Variants in SYNPO2L observed in about 807,000 individuals in gnomAD.
The protein encoded by SYNPO2L is synaptopodin 2 like.
SYNPO2L carries 34 observed loss-of-function variants against 47.5 expected under a neutral mutation model. The ratio of observed to expected loss-of-function variants is 0.72; its 90% confidence interval spans 0.54 to 0.95. The LOEUF is 0.95. Ranked by LOEUF, SYNPO2L falls within the 40% of genes least tolerant of loss-of-function variation. The pLI, the probability that SYNPO2L is intolerant of heterozygous loss-of-function variation, is 0.00. For synonymous variants in SYNPO2L, 536 were observed against 524.9 expected (o/e 1.02, Z -0.29); for missense variants, 1,246 against 1,282.0 (o/e 0.97, Z 0.43).
In SYNPO2L at chr10:73,656,003, T is replaced by C; in HGVS notation, c.-81A>G. On this transcript the variant is annotated 5_prime_UTR_variant, in exon 1 of 4. Coordinates refer to ENST00000394810, the MANE Select transcript of SYNPO2L (RefSeq NM_001114133.3). ...TGAGGTGCTCGAACCCCGTCTGGGC[T>C]TCCTGTCCGGCTGTCCTGCTCCTGC... 8.0e-7 allele frequency: 1 copy of C among 1,248,570 alleles called. No individual in the cohort carries two copies. Among genetic ancestry groups the C allele is most frequent in the Non-Finnish European group, 1.1e-6 (1 of 904,408 alleles). The allele number at this position is 1,248,570 out of a possible 1,614,324, so 77.3% of individuals were successfully genotyped here.
In SYNPO2L at chr10:73,653,984, G is replaced by C; in HGVS notation, c.257+145C>G. On this transcript the variant is annotated intron_variant, in intron 2 of 3. Coordinates refer to ENST00000394810, the MANE Select transcript of SYNPO2L (RefSeq NM_001114133.3). ...ATACATTCAAGCCCTCTGGGAGGCA[G>C]ACACAAACCATCTGCACTCCAGCAG... 5 of 1,119,578 alleles carry C rather than the reference G, an allele frequency of 4.5e-6. 1 individual carries two copies. The South Asian group carries it at 8.2e-5, about 18-fold the overall frequency. The allele number at this position is 1,119,578 out of a possible 1,614,324, so 69.4% of individuals were successfully genotyped here. A position where few individuals can be genotyped will look rare whatever the true frequency, so the allele number is the denominator to read the frequency against.
At chr10:73,649,045 A>G (rs2081814646) in intron 3 of SYNPO2L, among the ~76,000 whole-genome samples, 166 bp from the exon 4 acceptor site, 1 of 152,210 alleles carries the variant, frequency 6.6e-6, no homozygotes, top group African/African-American at 2.4e-5. Context: ...GTGGAGGGTG[A>G]AAGGTGAAAC....
chr10:73,652,751 C>T (rs894121950), intron 3 of SYNPO2L, among the ~76,000 whole-genome samples: 1 of 152,176 alleles, frequency 6.6e-6, no homozygotes, highest in African/African-American at 2.4e-5. Context: ...GCTTGGATTA[C>T]AGGTATGAGC....
At position 73,648,741 on chromosome 10, in the gene SYNPO2L, C is replaced by G. The variant is rs371416475; in HGVS notation, c.911G>C (p.Arg304Thr). 4 of 1,612,512 alleles carry G rather than the reference C, an allele frequency of 2.5e-6. No individual in the cohort carries two copies. Among genetic ancestry groups the G allele is most frequent in the Non-Finnish European group, 2.5e-6 (3 of 1,178,900 alleles). ...GVLMFKKRRQ[R>T]AKKYTLVSFG... ...GCTCACCAGGGTGTACTTCTTGGCTCTCTGCCGCCGTTTCTTAAACATAAG... is the reference window on the plus strand; with the variant it reads ...GCTCACCAGGGTGTACTTCTTGGCTGTCTGCCGCCGTTTCTTAAACATAAG... The change falls in exon 4 of 4, where the codon AGA (arginine) becomes ACA (threonine). Residue 304 changes from arginine to threonine, a missense_variant. Arg to Thr is a moderately conservative substitution (Grantham distance 71, BLOSUM62 -1). Around this residue, in one of 3 missense-constraint regions of SYNPO2L, gnomAD observed 1,037 missense variants for 1,021.5 expected, o/e 1.02. Transcript: ENST00000394810.
chr10:73,648,201 G>A lies in SYNPO2L; in HGVS notation c.1451C>T (p.Ser484Leu). Residue 484 changes from serine to leucine, a missense_variant, in exon 4 of 4, where the codon TCG becomes TTG. Around this residue, in one of 3 missense-constraint regions of SYNPO2L, gnomAD observed 1,037 missense variants for 1,021.5 expected, o/e 1.02. Coordinates refer to ENST00000394810, the MANE Select transcript of SYNPO2L (RefSeq NM_001114133.3). ...GGGGGCTAAAGGCCGGAAAATAACCGAGGTGGTAGTTGGCCGCTGCCCTTG... is the reference window on the plus strand; with the variant it reads ...GGGGGCTAAAGGCCGGAAAATAACCAAGGTGGTAGTTGGCCGCTGCCCTTG... ...GLQGQRPTTTSVIFRPLAPKR... is the reference protein window; with the variant it reads ...GLQGQRPTTTLVIFRPLAPKR... The A allele has an allele frequency of 6.4e-7, 1 of 1,574,274 alleles. No individual in the cohort carries two copies. The highest frequency in any genetic ancestry group is 8.6e-7 in the Non-Finnish European group (1 of 1,162,278).
chr10:73,650,171 A>G (rs1414195204), intron 3 of SYNPO2L: 1 of 985,318 alleles, frequency 1.0e-6, no homozygotes, highest in Non-Finnish European at 1.2e-6. Flanking sequence ...CTCCTGAAAA[A>G]TTATTGAGAT....
At position 73,646,947 on chromosome 10, in the gene SYNPO2L, AGGGGTTCTGCAGTGGGCT is replaced by A; in HGVS notation, c.2687_2704del (p.Gln896_Pro901del). On this transcript the variant is annotated inframe_deletion, in exon 4 of 4. Transcript: ENST00000394810. ...TCGGGGGGCAAGCACAGTGGGAGCCAGGGGTTCTGCAGTGGGCTGGGGTGCCGGAGTGGAAAACCGGCG... is the reference window on the plus strand; with the variant it reads ...TCGGGGGGCAAGCACAGTGGGAGCCAGGGGTGCCGGAGTGGAAAACCGGCG... 1 of 1,603,456 alleles carries A rather than the reference AGGGGTTCTGCAGTGGGCT, an allele frequency of 6.2e-7. No individual in the cohort carries two copies. Among genetic ancestry groups the A allele is most frequent in the South Asian group, 1.1e-5 (1 of 89,512 alleles).
chr10:73,648,065 C>T lies in SYNPO2L; in HGVS notation c.1587G>A (p.Ala529=), dbSNP rs1362528165. ...PSFTSGVPSH[A]PVSGSPSTPR... ...GGGTGCTGGGGGAACCAGAGACTGG[C>T]GCGTGGCTGGGAACCCCTGAAGTGA... The change falls in exon 4 of 4, where the codon GCG becomes GCA. Residue 529 remains alanine (A), a synonymous_variant. Transcript: ENST00000394810. The T allele has an allele frequency of 6.3e-7, 1 of 1,582,248 alleles. No individual in the cohort carries two copies. Among genetic ancestry groups the T allele is most frequent in the East Asian group, 2.3e-5 (1 of 44,348 alleles).
intron 3 of SYNPO2L, chr10:73,651,021 G>T: frequency 6.2e-7 from 1 of 1,610,942 alleles, no homozygotes; most frequent in Non-Finnish European, 8.5e-7. Flanking sequence ...GAGAAAGGCG[G>T]TGTTGGCTGG....
Position 73,646,753 on chromosome 10 carries a change from C to T in SYNPO2L, c.2899G>A (p.Ala967Thr). 2 of 1,509,802 alleles carry T rather than the reference C, an allele frequency of 1.3e-6. No homozygotes were observed. The highest frequency in any genetic ancestry group is 1.8e-6 in the Non-Finnish European group (2 of 1,129,616). The allele number at this position is 1,509,802 out of a possible 1,614,324, so 93.5% of individuals were successfully genotyped here. A position where few individuals can be genotyped will look rare whatever the true frequency, so the allele number is the denominator to read the frequency against. Residue 967 changes from alanine to threonine, a missense_variant, in exon 4 of 4, where the codon GCT becomes ACT. Physicochemically the swap from Ala to Thr is moderately conservative, Grantham distance 58. Transcript: ENST00000394810. The part of the protein sequence containing the change: ...RFSATRTGLQ[A>T]HVWRPGAGHQ The stretch of plus-strand genomic sequence containing the variant: ...CCTGCCCCAGGCCTCCACACATGAG[C>T]TTGCAATCCTGTTCTGGTGGCTGAA...
Position 73,647,745 on chromosome 10 carries a change from A to T in SYNPO2L, c.1907T>A (p.Met636Lys), listed in dbSNP as rs978401458. 4 of 1,613,928 alleles carry T rather than the reference A, an allele frequency of 2.5e-6. No homozygotes were observed. The change falls in exon 4 of 4, where the codon ATG becomes AAG. Residue 636 changes from methionine to lysine, a missense_variant. Around this residue, in one of 3 missense-constraint regions of SYNPO2L, gnomAD observed 1,037 missense variants for 1,021.5 expected, o/e 1.02. Coordinates refer to ENST00000394810, the MANE Select transcript of SYNPO2L (RefSeq NM_001114133.3). ...EARRRGTRKQ[M>K]FRPGKEETKN... is the part of the protein sequence containing the mutation. ...CGTCTCCTCCTTTCCCGGCCGGAAC[A>T]TCTGCTTCCGGGTCCCCCGGCGCCG...
Position 73,646,790 on chromosome 10 carries a change from G to C in SYNPO2L, c.2862C>G (p.Ala954=). 1 of 1,527,036 alleles carries C rather than the reference G, an allele frequency of 6.5e-7. No homozygotes were observed. Among genetic ancestry groups the C allele is most frequent in the South Asian group, 1.3e-5 (1 of 75,692 alleles). The allele number at this position is 1,527,036 out of a possible 1,614,324, so 94.6% of individuals were successfully genotyped here. Residue 954 remains alanine, a synonymous_variant, in exon 4 of 4, where the codon GCC becomes GCG. Transcript: ENST00000394810. ...TTCTGGTGGCTGAAAATCGGGGCCT[G>C]GCTACCTGGAAACCGCAGGAGCTGG... ...ASPSSCGFQV[A]RPRFSATRTG... is the part of the protein sequence containing the mutation.
rs376312719 is a variant in SYNPO2L, at chr10:73,648,576, A to G, written c.1076T>C (p.Met359Thr). 5.4e-5 allele frequency: 87 copies of G among 1,614,058 alleles called. No homozygotes were observed. Among genetic ancestry groups the G allele is most frequent in the Admixed American group, 1.3e-4 (8 of 60,008 alleles). Residue 359 changes from methionine (M) to threonine (T), a missense_variant, in exon 4 of 4, where the codon ATG becomes ACG. By Grantham distance (81) the Met-to-Thr change is moderately conservative. Around this residue, in one of 3 missense-constraint regions of SYNPO2L, gnomAD observed 1,037 missense variants for 1,021.5 expected, o/e 1.02. Transcript: ENST00000394810. ...TCTTGAGCCCGCCCTGGCAAGCTCC[A>G]TGTCCAGATAGGGACTGTCCCAGTC... ...QSDWDSPYLDMELARAGSRAS... is the reference protein window; with the variant it reads ...QSDWDSPYLDTELARAGSRAS...
chr10:73,648,793 C>T lies in SYNPO2L; in HGVS notation c.859G>A (p.Ala287Thr). 1.9e-6 allele frequency: 3 copies of T among 1,601,590 alleles called. No individual in the cohort carries two copies. Among genetic ancestry groups the T allele is most frequent in the East Asian group, 2.2e-5 (1 of 44,734 alleles). Residue 287 changes from alanine (A) to threonine (T), a missense_variant, in exon 4 of 4, where the codon GCC (alanine) becomes ACC (threonine). This residue lies in a region of SYNPO2L where 1,037 missense variants were observed against 1,021.5 expected (regional missense o/e 1.02). Transcript: ENST00000394810. ...CRTIASLLTAAPNPHSKGVLM... is the reference protein window; with the variant it reads ...CRTIASLLTATPNPHSKGVLM... ...ACCCCTTTGGAGTGGGGGTTGGGGGCTGCAGTGAGCAGGGATGCAATTGTC... is the reference window on the plus strand; with the variant it reads ...ACCCCTTTGGAGTGGGGGTTGGGGGTTGCAGTGAGCAGGGATGCAATTGTC...
rs1217494506 is a variant in SYNPO2L, at chr10:73,647,090, G to C, written c.2562C>G (p.Pro854=). 1 of 1,614,110 alleles carries C rather than the reference G, an allele frequency of 6.2e-7. No homozygotes were observed. ...AGAACATGGCAGTTTTAAGTTGATA[G>C]GGCTGATGCCGCATAAAATCTAGAG... ...IKALDFMRHQ[P]YQLKTAMFCF... Residue 854 remains proline, a synonymous_variant, in exon 4 of 4, where the codon CCC becomes CCG. Transcript: ENST00000394810.
rs2081853832 is a variant in SYNPO2L, at chr10:73,653,156, T to C, written c.755A>G (p.Gln252Arg). The C allele has an allele frequency of 2.8e-6, 4 of 1,447,154 alleles. No homozygotes were observed. The Admixed American group carries it at 1.1e-4, about 41-fold the overall frequency. The allele number at this position is 1,447,154 out of a possible 1,614,324, so 89.6% of individuals were successfully genotyped here. A position where few individuals can be genotyped will look rare whatever the true frequency, so the allele number is the denominator to read the frequency against. Residue 252 changes from glutamine (Q) to arginine (R), a missense_variant, in exon 3 of 4, where the codon CAG (glutamine) becomes CGG (arginine). Physicochemically the swap from Gln to Arg is conservative, Grantham distance 43 (BLOSUM62 1). Around this residue, in one of 3 missense-constraint regions of SYNPO2L, gnomAD observed 1,037 missense variants for 1,021.5 expected, o/e 1.02. Transcript: ENST00000394810. ...VAEDLTTTYT[Q>R]KAKQAKLQRA... ...GCACTCACTGGCTTGCTTGGCCTTCTGGGTGTAGGTGGTAGTAAGATCTTC... is the reference window on the plus strand; with the variant it reads ...GCACTCACTGGCTTGCTTGGCCTTCCGGGTGTAGGTGGTAGTAAGATCTTC...
chr10:73,652,082 AAAAAAAAAC>A (rs1464153921), intron 3 of SYNPO2L, among the ~76,000 whole-genome samples: 442 of 135,864 alleles, frequency 3.3e-3, no homozygotes, highest in African/African-American at 0.013. Context: ...AAAAAAAAAA[AAAAAAAAAC>A]CAGAAAAAAA....
chr10:73,653,371 G>A lies in SYNPO2L; in HGVS notation c.540C>T (p.Ser180=). 1.9e-6 allele frequency: 3 copies of A among 1,551,570 alleles called. No homozygotes were observed. Among genetic ancestry groups the A allele is most frequent in the African/African-American group, 1.4e-5 (1 of 73,184 alleles). The change falls in exon 3 of 4, where the codon AGC becomes AGT. Residue 180 remains serine, a synonymous_variant. Coordinates refer to ENST00000394810, the MANE Select transcript of SYNPO2L (RefSeq NM_001114133.3). ...APPDEVYLSD[S]PAEPAPTIPG... The stretch of plus-strand genomic sequence containing the variant: ...GGATAGTAGGTGCTGGCTCTGCAGG[G>A]CTGTCAGACAGGTAGACCTCATCAG...
Position 73,653,191 on chromosome 10 carries a change from G to T in SYNPO2L, c.720C>A (p.His240Gln). The part of the protein sequence containing the change: ...HLIPMVGPVP[H>Q]PVAEDLTTTY... ...TGGTAGTAAGATCTTCTGCCACTGG[G>T]TGGGGAACAGGCCCCACCATAGGGA... The change falls in exon 3 of 4, where the codon CAC becomes CAA. Residue 240 changes from histidine to glutamine, a missense_variant. Transcript: ENST00000394810. The T allele has an allele frequency of 1.4e-6, 2 of 1,461,202 alleles. No individual in the cohort carries two copies. The highest frequency in any genetic ancestry group is 9.1e-7 in the Non-Finnish European group (1 of 1,101,996). The allele number at this position is 1,461,202 out of a possible 1,614,324, so 90.5% of individuals were successfully genotyped here. A position where few individuals can be genotyped will look rare whatever the true frequency, so the allele number is the denominator to read the frequency against.
Sources: gnomAD v4.1 joint callset for allele counts (sites outside exome capture counted in the v4.1 genomes callset) on GRCh38, gnomAD v4.1.1 for gene constraint, gnomAD v4.1.1 regional missense constraint, MANE v1.5 for transcripts, NCBI Gene and HGNC (gene_info 2026-07-23, HGNC 2026-07-21) for gene names.